The following ROBO2 variants were observed in gnomAD, a reference collection of about 807,000 sequenced individuals.
ROBO2 encodes roundabout homolog 2.
ROBO2 carries 53 observed loss-of-function variants against 160.8 expected under a neutral mutation model. The ratio of observed to expected loss-of-function variants is 0.33; its 90% CI spans 0.26 to 0.41. The LOEUF (loss-of-function observed/expected upper bound fraction) is 0.41, where lower values mean the gene tolerates loss of function less well. ROBO2 is among the 10% of genes least tolerant of loss of function. The pLI is 1.00. For missense variants in ROBO2, 1,577 were observed against 1,722.4 expected (o/e 0.92, Z 1.49); for synonymous variants, 664 against 611.7 (o/e 1.09, Z -1.26).
At chr3:77,281,925 G>A (rs535667417) in intron 2 of ROBO2, among the ~76,000 whole-genome samples, 17 of 152,248 alleles carry the variant, frequency 1.1e-4, no homozygotes, top group Non-Finnish European at 2.2e-4. Flanking sequence ...GAGCTCAGGC[G>A]GTAATGCTCG....
chr3:76,773,287 TG>T, intron 2 of ROBO2, among the ~76,000 whole-genome samples: 1 of 144,718 alleles, frequency 6.9e-6, no homozygotes, highest in East Asian at 2.0e-4. Flanking sequence ...ATATTTATTC[TG>T]TTTTTTTTAA....
intron 1 of ROBO2, among the ~76,000 whole-genome samples, chr3:77,081,779 T>C (rs1245298721): frequency 6.6e-6 from 1 of 152,220 alleles, no homozygotes; most frequent in Non-Finnish European, 1.5e-5. Flanking sequence ...AATGGAGATG[T>C]AGACACAGAT....
intron 1 of ROBO2, among the ~76,000 whole-genome samples, chr3:77,071,236 G>T (rs2067378380): frequency 6.6e-6 from 1 of 151,858 alleles, no homozygotes. Flanking sequence ...CCTAAAGTAG[G>T]GCTATTCTTC....
At chr3:77,175,925 A>G (rs1340315305) in intron 2 of ROBO2, among the ~76,000 whole-genome samples, 1 of 152,058 alleles carries the variant, frequency 6.6e-6, no homozygotes, top group Non-Finnish European at 1.5e-5. Flanking sequence ...TCAGAGACAG[A>G]AGTATAATTT....
intron 2 of ROBO2, among the ~76,000 whole-genome samples, chr3:76,622,596 T>C (rs1303050807): frequency 1.3e-5 from 2 of 152,168 alleles, no homozygotes; most frequent in Admixed American, 1.3e-4. Context: ...AGATTCTTCA[T>C]TGCCTGGTCC....
chr3:76,055,612 G>C (rs920423178), intron 2 of ROBO2, among the ~76,000 whole-genome samples: 1 of 152,024 alleles, frequency 6.6e-6, no homozygotes, highest in Non-Finnish European at 1.5e-5. Flanking sequence ...CTGCTTCTGG[G>C]TTTGTTCACT....
chr3:77,128,154 G>A (rs1258673808), intron 2 of ROBO2, among the ~76,000 whole-genome samples: 2 of 152,152 alleles, frequency 1.3e-5, no homozygotes, highest in Non-Finnish European at 1.5e-5. Flanking sequence ...AGGACTTCTA[G>A]ATGCCAGGTG....
chr3:76,875,664 T>G (rs867280632), intron 2 of ROBO2, among the ~76,000 whole-genome samples: 103 of 152,200 alleles, frequency 6.8e-4, no homozygotes, highest in African/African-American at 2.4e-3. Context: ...GCCTCCATCT[T>G]TATTTTTTGA....
chr3:76,843,271 A>G (rs2068464233), intron 2 of ROBO2, among the ~76,000 whole-genome samples: 1 of 151,300 alleles, frequency 6.6e-6, no homozygotes, highest in South Asian at 2.1e-4. Flanking sequence ...TATGAAAATA[A>G]ATAATTAAAT....
intron 2 of ROBO2, among the ~76,000 whole-genome samples, chr3:76,691,080 G>A (rs155471): frequency 0.57 from 87,171 of 151,784 alleles, 26,585 homozygotes; most frequent in East Asian, 0.78. Context: ...AATTAACCAA[G>A]AATTTAAAGT....
At chr3:76,856,824 G>C (rs550568551) in intron 2 of ROBO2, among the ~76,000 whole-genome samples, 1 of 152,266 alleles carries the variant, frequency 6.6e-6, no homozygotes, top group South Asian at 2.1e-4. Flanking sequence ...TGTATTAGCA[G>C]ACAGATTGCA....
At chr3:76,090,067 A>T (rs961734832) in intron 2 of ROBO2, among the ~76,000 whole-genome samples, 3 of 152,198 alleles carry the variant, frequency 2.0e-5, no homozygotes, top group Non-Finnish European at 2.9e-5. Flanking sequence ...ACACACTAAC[A>T]TTTACATTAG....
intron 2 of ROBO2, among the ~76,000 whole-genome samples, chr3:76,211,373 G>T (rs1302940472): frequency 6.6e-6 from 1 of 151,994 alleles, no homozygotes; most frequent in Non-Finnish European, 1.5e-5. Context: ...AAGTCAGCCT[G>T]GAATTTTAGA....
At chr3:76,079,821 TAAC>T (rs147630924) in intron 2 of ROBO2, among the ~76,000 whole-genome samples, 3,872 of 151,200 alleles carry the variant, frequency 0.026, 145 homozygotes, top group African/African-American at 0.08. Flanking sequence ...AACAAGGGAC[TAAC>T]AACAACAACA....
intron 2 of ROBO2, among the ~76,000 whole-genome samples, chr3:75,951,818 A>G (rs1948547213): frequency 6.6e-6 from 1 of 152,036 alleles, no homozygotes; most frequent in African/African-American, 2.4e-5. Flanking sequence ...AAAATGTCCA[A>G]ATCTTTTTTT....
chr3:77,105,904 A>G (rs1303056349), intron 2 of ROBO2, among the ~76,000 whole-genome samples: 1 of 152,228 alleles, frequency 6.6e-6, no homozygotes, highest in African/African-American at 2.4e-5. Context: ...TGACAAGGAA[A>G]CATATTCATA....
intron 5 of ROBO2, among the ~76,000 whole-genome samples, chr3:77,518,508 A>G (rs2090256929): frequency 6.6e-6 from 1 of 151,414 alleles, no homozygotes. Flanking sequence ...ATAACAAGAC[A>G]TGTATTGTAG....
At chr3:76,004,197 G>A (rs142593420) in intron 2 of ROBO2, among the ~76,000 whole-genome samples, 46 of 152,102 alleles carry the variant, frequency 3.0e-4, no homozygotes, top group African/African-American at 9.9e-4. Context: ...ACTAGTTTGC[G>A]ATAAAAAAGA....
At chr3:76,393,603 GA>G (rs2077267958) in intron 2 of ROBO2, among the ~76,000 whole-genome samples, 1 of 152,128 alleles carries the variant, frequency 6.6e-6, no homozygotes, top group Non-Finnish European at 1.5e-5. Context: ...TCCCTGTTTT[GA>G]GAAACACTGT....
Sources: gnomAD v4.1 joint callset for allele counts (sites outside exome capture counted in the v4.1 genomes callset) on GRCh38, gnomAD v4.1.1 for gene constraint, MANE v1.5 for transcripts, NCBI Gene and HGNC (gene_info 2026-07-23, HGNC 2026-07-21) for gene names.